Variants in NLGN2 observed in about 807,000 individuals in gnomAD.
NLGN2 encodes neuroligin-2.
Under a neutral mutation model 48.6 loss-of-function variants are expected in NLGN2, and 11 were observed. The ratio of observed to expected loss-of-function variants is 0.23; its 90% CI spans 0.14 to 0.37. The LOEUF (loss-of-function observed/expected upper bound fraction) is 0.37, where lower values mean the gene tolerates loss of function less well. Among genes scored for constraint, NLGN2 ranks in the 10% least tolerant of loss-of-function variants. The pLI, the probability that NLGN2 is intolerant of heterozygous loss-of-function variation, is 1.00. For synonymous variants in NLGN2, 548 were observed against 550.0 expected (o/e 1.00, Z 0.05); for missense variants, 801 against 1,225.2 (o/e 0.65, Z 5.17).
At chr17:7,406,824 TCA>T (rs1007907085), upstream of NLGN2, among the ~76,000 whole-genome samples, 2 of 151,926 alleles carry the variant, frequency 1.3e-5, no homozygotes, top group African/African-American at 4.8e-5. Context: ...AGAAGAAAGC[TCA>T]GTGTTGCCCC....
rs1438646318 is a variant in NLGN2, at chr17:7,417,505, A to G, written c.2214A>G (p.Pro738=). 2 of 1,517,112 alleles carry G rather than the reference A, an allele frequency of 1.3e-6. No individual in the cohort carries two copies. The highest frequency in any genetic ancestry group is 1.8e-6 in the Non-Finnish European group (2 of 1,135,728). The allele number at this position is 1,517,112 out of a possible 1,614,324, so 94.0% of individuals were successfully genotyped here. The change falls in exon 7 of 7, where the codon CCA becomes CCG. Residue 738 remains proline, a synonymous_variant. Transcript: ENST00000302926. The stretch of plus-strand genomic sequence containing the variant: ...CCGCCGCGGGCCGTGAGCTGCCACC[A>G]GAGGAGGAGCTGGTGTCACTGCAGC... The part of the protein sequence containing the change: ...LLPAAGRELP[P]EEELVSLQLK...
rs1432856051 is a variant in NLGN2, at chr17:7,415,622, C to T, written c.1149C>T (p.Asn383=). 2 of 1,613,508 alleles carry T rather than the reference C, an allele frequency of 1.2e-6. No individual in the cohort carries two copies. Among genetic ancestry groups the T allele is most frequent in the Non-Finnish European group, 1.7e-6 (2 of 1,179,522 alleles). The change falls in exon 6 of 7, where the codon AAC becomes AAT. Residue 383 remains asparagine (N), a synonymous_variant. Coordinates refer to ENST00000302926, the MANE Select transcript of NLGN2 (RefSeq NM_020795.4). ...ACTACGACATGCTCATCGGCGTCAA[C>T]CAGGGAGAGGGCCTCAAGTTCGTGG... ...FLNYDMLIGV[N]QGEGLKFVED...
chr17:7,415,970 G>C lies in NLGN2; in HGVS notation c.1497G>C (p.Ala499=), dbSNP rs777462344. 2 of 1,614,170 alleles carry C rather than the reference G, an allele frequency of 1.2e-6. No homozygotes were observed. Among genetic ancestry groups the C allele is most frequent in the Non-Finnish European group, 1.7e-6 (2 of 1,180,042 alleles). Residue 499 remains alanine, a synonymous_variant, in exon 6 of 7, where the codon GCG becomes GCC. Coordinates refer to ENST00000302926, the MANE Select transcript of NLGN2 (RefSeq NM_020795.4). ...AEGRPEWADA[A]HGDELPYVFG... ...GCCGGCCTGAGTGGGCAGATGCGGC[G>C]CACGGGGATGAACTGCCCTATGTCT...
At chr17:7,406,856 G>C (rs1261530513), upstream of NLGN2, among the ~76,000 whole-genome samples, 1 of 152,126 alleles carries the variant, frequency 6.6e-6, no homozygotes, top group Non-Finnish European at 1.5e-5. Flanking sequence ...GGTCACAATG[G>C]CTTGCAAAGA....
chr17:7,407,781 A>C (rs1309813701), upstream of NLGN2, among the ~76,000 whole-genome samples: 2 of 151,480 alleles, frequency 1.3e-5, no homozygotes, highest in African/African-American at 4.9e-5. Flanking sequence ...GCGTCTGCTG[A>C]GGGGAGAAGG....
In NLGN2 at chr17:7,417,718, C is replaced by T. The variant is rs1275441791; in HGVS notation, c.2427C>T (p.Phe809=). 1.5e-5 allele frequency: 17 copies of T among 1,146,994 alleles called. No homozygotes were observed. Among genetic ancestry groups the T allele is most frequent in the African/African-American group, 9.1e-5 (5 of 54,662 alleles). The allele number at this position is 1,146,994 out of a possible 1,614,324, so 71.1% of individuals were successfully genotyped here. ...CACCGCCCCCCTCCCTTCATCCCTT[C>T]GGGCCCTTCCCCCCGCCCCCTCCCA... ...PPPPPPSLHP[F]GPFPPPPPTA... is the part of the protein sequence containing the mutation. The change falls in exon 7 of 7, where the codon TTC becomes TTT. Residue 809 remains phenylalanine (F), a synonymous_variant. Transcript: ENST00000302926.
In NLGN2 at chr17:7,416,962, C is replaced by T; in HGVS notation, c.1671C>T (p.Phe557=). 6.2e-7 allele frequency: 1 copy of T among 1,614,078 alleles called. No individual in the cohort carries two copies. The highest frequency in any genetic ancestry group is 8.5e-7 in the Non-Finnish European group (1 of 1,179,968). The change falls in exon 7 of 7, where the codon TTC becomes TTT. Residue 557 remains phenylalanine (F), a synonymous_variant. Transcript: ENST00000302926. ...PNQPVPQDTK[F]IHTKPNRFEE... ...AGCCGGTGCCGCAGGATACCAAGTT[C>T]ATCCACACCAAGCCCAATCGCTTCG... is the stretch of plus-strand genomic sequence containing the variant.
In NLGN2 at chr17:7,413,083, G is replaced by T. The variant is rs568807912; in HGVS notation, c.508+876G>T. Among the ~76,000 whole-genome samples the T allele has an allele frequency of 6.6e-6, 1 of 152,178 alleles. No individual in the cohort carries two copies. The highest frequency in any genetic ancestry group is 1.9e-4 in the East Asian group (1 of 5,198). On this transcript the variant is annotated intron_variant, in intron 2 of 6. Coordinates refer to ENST00000302926, the MANE Select transcript of NLGN2 (RefSeq NM_020795.4). The surrounding 1 kb of genome is among the most constrained non-coding windows in gnomAD (Gnocchi z 4.9). Reference sequence around the variant, plus strand: ...AGGACCTTGGAGGGAAGGAGATTCCGGCCTGAAAGTGCTGGGAGGTCACTT... The same window carrying T: ...AGGACCTTGGAGGGAAGGAGATTCCTGCCTGAAAGTGCTGGGAGGTCACTT...
Position 7,413,608 on chromosome 17 carries a change from T to C in NLGN2, c.509-736T>C, listed in dbSNP as rs1906982563. 6.6e-6 allele frequency among the ~76,000 whole-genome samples: 1 copy of C among 152,118 alleles called. No individual in the cohort carries two copies. The highest frequency in any genetic ancestry group is 1.5e-5 in the Non-Finnish European group (1 of 67,996). On this transcript the variant is annotated intron_variant, in intron 2 of 6. Coordinates refer to ENST00000302926, the MANE Select transcript of NLGN2 (RefSeq NM_020795.4). The surrounding 1 kb of genome is among the most constrained non-coding windows in gnomAD (Gnocchi z 4.9). ...AGGGCCTGATCACATGTGGCAGTGA[T>C]CAGGGGATCCTCAGGGGGTATGGCG... is the stretch of plus-strand genomic sequence containing the variant.
In NLGN2 at chr17:7,411,566, G is replaced by T. The variant is rs11657418; in HGVS notation, c.458-591G>T. Reference sequence around the variant, plus strand: ...GCTTCTGGGGCTGAGCTGTGGGGCAGGCTGCCCCCCAACCCTGTCCTGCTC... The same window carrying T: ...GCTTCTGGGGCTGAGCTGTGGGGCATGCTGCCCCCCAACCCTGTCCTGCTC... On this transcript the variant is annotated intron_variant, in intron 1 of 6. Coordinates refer to ENST00000302926, the MANE Select transcript of NLGN2 (RefSeq NM_020795.4). This position sits in a 1 kb window ranked among gnomAD's most constrained non-coding sequence, Gnocchi z 4.5. Among the ~76,000 whole-genome samples, 2 of 152,128 alleles carry T rather than the reference G, an allele frequency of 1.3e-5. No homozygotes were observed.
At position 7,417,251 on chromosome 17, in the gene NLGN2, G is replaced by C. The variant is rs761839688; in HGVS notation, c.1960G>C (p.Glu654Gln). 1.3e-6 allele frequency: 2 copies of C among 1,551,784 alleles called. No homozygotes were observed. The highest frequency in any genetic ancestry group is 1.2e-5 in the South Asian group (1 of 82,934). Reference protein sequence around the residue: ...PPPATLPPEPEPEPGPRAYDR... With the variant: ...PPPATLPPEPQPEPGPRAYDR... The stretch of plus-strand genomic sequence containing the variant: ...GCCTGCCACCCTGCCTCCCGAGCCC[G>C]AGCCCGAGCCCGGCCCAAGGGCCTA... Residue 654 changes from glutamate (E) to glutamine (Q), a missense_variant, in exon 7 of 7, where the codon GAG becomes CAG. Glu to Gln is a conservative substitution (Grantham distance 29). Transcript: ENST00000302926.
At chr17:7,410,959 C>T (rs145420498) in intron 1 of NLGN2, among the ~76,000 whole-genome samples, 207 of 152,346 alleles carry the variant, frequency 1.4e-3, no homozygotes, top group African/African-American at 4.1e-3. Context: ...TAGGAGACGC[C>T]TTCCAGAGCT....
rs894178575 is a variant in NLGN2 at position 7,417,554 on chromosome 17, G to A, written c.2263G>A (p.Ala755Thr). Reference sequence around the variant, plus strand: ...GCTGAAGCGGGGTGGTGGCGTCGGGGCGGACCCTGCCGAGGCTCTGCGCCC... The same window carrying A: ...GCTGAAGCGGGGTGGTGGCGTCGGGACGGACCCTGCCGAGGCTCTGCGCCC... The part of the protein sequence containing the change: ...LQLKRGGGVG[A>T]DPAEALRPAC... Residue 755 changes from alanine (A) to threonine (T), a missense_variant, in exon 7 of 7, where the codon GCG becomes ACG. Physicochemically the swap from Ala to Thr is moderately conservative, Grantham distance 58. Around this residue, in one of 5 missense-constraint regions of NLGN2, gnomAD observed 276 missense variants for 313.9 expected, o/e 0.88. Coordinates refer to ENST00000302926, the MANE Select transcript of NLGN2 (RefSeq NM_020795.4). 2.7e-6 allele frequency: 4 copies of A among 1,456,748 alleles called. No individual in the cohort carries two copies. In the East Asian group the frequency reaches 1.0e-4, roughly 38 times the overall value. The allele number at this position is 1,456,748 out of a possible 1,614,324, so 90.2% of individuals were successfully genotyped here.
chr17:7,417,708 T>G lies in NLGN2; in HGVS notation c.2417T>G (p.Leu806Arg). 2 of 549,538 alleles carry G rather than the reference T, an allele frequency of 3.6e-6. No individual in the cohort carries two copies. Among genetic ancestry groups the G allele is most frequent in the Non-Finnish European group, 4.5e-6 (2 of 446,972 alleles). 34.0% of individuals were successfully genotyped at this position (549,538 alleles called of 1,614,324 possible). A position where few individuals can be genotyped will look rare whatever the true frequency, so the allele number is the denominator to read the frequency against. The change falls in exon 7 of 7, where the codon CTT (leucine) becomes CGT (arginine). Residue 806 changes from leucine to arginine, a missense_variant. Leu to Arg is a moderately radical substitution (Grantham distance 102). This residue lies in a region of NLGN2 where 276 missense variants were observed against 313.9 expected (regional missense o/e 0.88). Coordinates refer to ENST00000302926, the MANE Select transcript of NLGN2 (RefSeq NM_020795.4). The part of the protein sequence containing the change: ...GPPPPPPPPS[L>R]HPFGPFPPPP... ...CCGCCACCCCCACCGCCCCCCTCCC[T>G]TCATCCCTTCGGGCCCTTCCCCCCG...
Position 7,418,746 on chromosome 17 carries a change from C to A in NLGN2, c.*947C>A, listed in dbSNP as rs897617276. The A allele has an allele frequency of 6.6e-6, 1 of 152,474 alleles. No homozygotes were observed. Among genetic ancestry groups the A allele is most frequent in the Non-Finnish European group, 1.5e-5 (1 of 68,178 alleles). 9.4% of individuals were successfully genotyped at this position (152,474 alleles called of 1,614,324 possible). ...CCGAGGGAGGCCCGGCCCTTGCTCCCGAGTTGGGGGGAGGGGGTGTGGCAA... is the reference window on the plus strand; with the variant it reads ...CCGAGGGAGGCCCGGCCCTTGCTCCAGAGTTGGGGGGAGGGGGTGTGGCAA... On this transcript the variant is annotated 3_prime_UTR_variant, in exon 7 of 7. Transcript: ENST00000302926.
Position 7,417,807 on chromosome 17 carries a change from G to T in NLGN2, c.*8G>T, listed in dbSNP as rs770105766. 1.5e-6 allele frequency: 2 copies of T among 1,350,946 alleles called. No individual in the cohort carries two copies. Among genetic ancestry groups the T allele is most frequent in the East Asian group, 3.0e-5 (1 of 33,086 alleles). 83.7% of individuals were successfully genotyped at this position (1,350,946 alleles called of 1,614,324 possible). A position where few individuals can be genotyped will look rare whatever the true frequency, so the allele number is the denominator to read the frequency against. ...TCCACCACTCGGGTATAGGGGGTGGGTGGGGAGGCCCTCCTCCCCGGCCCT... is the reference window on the plus strand; with the variant it reads ...TCCACCACTCGGGTATAGGGGGTGGTTGGGGAGGCCCTCCTCCCCGGCCCT... On this transcript the variant is annotated 3_prime_UTR_variant, in exon 7 of 7. Transcript: ENST00000302926.
At chr17:7,407,265 C>T (rs539383642), upstream of NLGN2, among the ~76,000 whole-genome samples, 5 of 152,268 alleles carry the variant, frequency 3.3e-5, no homozygotes, top group East Asian at 3.9e-4. Context: ...ACCCGGCAAC[C>T]GGCTGCAGGA....
upstream of NLGN2, among the ~76,000 whole-genome samples, chr17:7,406,350 G>A (rs1906636806): frequency 6.6e-6 from 1 of 151,814 alleles, no homozygotes; most frequent in African/African-American, 2.4e-5. Flanking sequence ...AGAGGAGAGG[G>A]TGACTGAGGC....
Position 7,417,217 on chromosome 17 carries a change from GC to G in NLGN2, c.1931del (p.Pro644ArgfsTer33). The G allele has an allele frequency of 1.3e-6, 2 of 1,534,302 alleles. No individual in the cohort carries two copies. The highest frequency in any genetic ancestry group is 1.7e-6 in the Non-Finnish European group (2 of 1,144,068). On this transcript the variant is annotated frameshift_variant, in exon 7 of 7. Transcript: ENST00000302926. LOFTEE classifies it low-confidence loss of function (END_TRUNC). The stretch of plus-strand genomic sequence containing the variant: ...CCGCTGGCGCCCCGGGCACACGCCG[GC>G]CCCCGCCGCCTGCCACCCTGCCTCC... ...PPAGAPGTRR[P>X]PPPATLPPEP...
Sources: allele counts gnomAD v4.1 joint callset (sites outside exome capture counted in the v4.1 genomes callset), GRCh38; gene constraint gnomAD v4.1.1; regional missense constraint gnomAD v4.1.1; non-coding constraint Gnocchi (gnomAD v3.1); transcripts MANE v1.5; gene names NCBI Gene and HGNC (gene_info 2026-07-23, HGNC 2026-07-21).